The following C17orf78 variants were observed in gnomAD, a reference collection of about 807,000 sequenced individuals.
C17orf78 encodes the protein uncharacterized protein C17orf78.
C17orf78 carries 27 observed loss-of-function variants against 31.8 expected under a neutral mutation model. The ratio of observed to expected loss-of-function variants is 0.85; its 90% CI spans 0.63 to 1.17. The LOEUF is 1.17. Among genes scored for constraint, C17orf78 ranks in the 50% most tolerant of loss-of-function variants. The pLI is 0.00. For missense variants in C17orf78, 258 were observed against 315.2 expected (o/e 0.82, Z 1.37); for synonymous variants, 106 against 115.1 (o/e 0.92, Z 0.51).
rs1568075223 is a variant in C17orf78, at chr17:37,377,952, A to C, written c.132A>C (p.Glu44Asp). The C allele has an allele frequency of 6.2e-7, 1 of 1,613,802 alleles. No homozygotes were observed. Among genetic ancestry groups the C allele is most frequent in the Non-Finnish European group, 8.5e-7 (1 of 1,179,762 alleles). ...CAAAAGACGTGAGAAGCATCAGAGA[A>C]TTGCAAATGCAAGGTAGGGAATGGG... is the stretch of plus-strand genomic sequence containing the variant. ...IFPKDVRSIR[E>D]LQMQETHTET... Residue 44 changes from glutamate to aspartate, a missense_variant, in exon 2 of 7, where the codon GAA (glutamate) becomes GAC (aspartate). Transcript: ENST00000615133.
chr17:37,389,290 G>T lies in C17orf78; in HGVS notation c.678G>T (p.Leu226Phe). ...GGAAGCTGTGCCAATGCCAGTGGTT[G>T]TGGAGATGGCAAAAGAAGGGAGGCC... ...GARKLCQCQW[L>F]WRWQKKGGQP... The change falls in exon 6 of 7, where the codon TTG (leucine) becomes TTT (phenylalanine). Residue 226 changes from leucine (L) to phenylalanine (F), a missense_variant. Coordinates refer to ENST00000615133, the MANE Select transcript of C17orf78 (RefSeq NM_173625.5). The T allele has an allele frequency of 6.3e-7, 1 of 1,599,334 alleles. No homozygotes were observed. The highest frequency in any genetic ancestry group is 8.5e-7 in the Non-Finnish European group (1 of 1,173,102).
chr17:37,377,925 C>T lies in C17orf78; in HGVS notation c.105C>T (p.Phe35=), dbSNP rs563867244. ...SCRLEQLPGI[F]PKDVRSIREL... ...GACTGGAACAGCTGCCTGGGATCTT[C>T]CCAAAAGACGTGAGAAGCATCAGAG... The change falls in exon 2 of 7, where the codon TTC becomes TTT. Residue 35 remains phenylalanine (F), a synonymous_variant. Coordinates refer to ENST00000615133, the MANE Select transcript of C17orf78 (RefSeq NM_173625.5). 34 of 1,612,870 alleles carry T rather than the reference C, an allele frequency of 2.1e-5. No individual in the cohort carries two copies. The South Asian group carries it at 3.6e-4, about 17-fold the overall frequency.
chr17:37,384,062 G>A (rs921651499), intron 3 of C17orf78, among the ~76,000 whole-genome samples: 1 of 152,106 alleles, frequency 6.6e-6, no homozygotes, highest in Non-Finnish European at 1.5e-5. Flanking sequence ...TCAGGAATTC[G>A]AGACCAGCCT....
Position 37,376,090 on chromosome 17 carries a change from A to G in C17orf78, c.-3A>G. Reference sequence around the variant, plus strand: ...TCTGCAATGAGCATGTGCTCAAGCTAACATGGATACCATCTTGGTCTTCAG... The same window carrying G: ...TCTGCAATGAGCATGTGCTCAAGCTGACATGGATACCATCTTGGTCTTCAG... On this transcript the variant is annotated 5_prime_UTR_variant, in exon 1 of 7. The change abolishes the stop of an existing upstream ORF in the 5' untranslated region. Coordinates refer to ENST00000615133, the MANE Select transcript of C17orf78 (RefSeq NM_173625.5). 6.2e-7 allele frequency: 1 copy of G among 1,611,672 alleles called. No individual in the cohort carries two copies. Among genetic ancestry groups the G allele is most frequent in the Non-Finnish European group, 8.5e-7 (1 of 1,177,768 alleles).
chr17:37,376,190 G>A, intron 1 of C17orf78, 40 bp downstream of exon 1: 2 of 1,543,446 alleles, frequency 1.3e-6, no homozygotes, highest in Non-Finnish European at 1.8e-6. Context: ...AAAATACAGA[G>A]AGAGGCCTAG....
chr17:37,386,266 T>G (rs2050524594), intron 4 of C17orf78, 141 bp downstream of exon 4: 2 of 601,658 alleles, frequency 3.3e-6, no homozygotes, highest in South Asian at 5.1e-5. Flanking sequence ...GAATGTACAT[T>G]GAAAAATCAT....
chr17:37,385,936 G>A, intron 3 of C17orf78, 73 bp from the exon 4 acceptor site: 1 of 1,011,710 alleles, frequency 9.9e-7, no homozygotes, highest in Non-Finnish European at 1.5e-6. Flanking sequence ...GCTGGGCAGG[G>A]TTTCATCAGA....
intron 4 of C17orf78, among the ~76,000 whole-genome samples, chr17:37,388,439 G>A (rs2050645372): frequency 6.6e-6 from 1 of 152,098 alleles, no homozygotes. Flanking sequence ...TCCAGGGAAG[G>A]TGACTCAGTG....
intron 1 of C17orf78, among the ~76,000 whole-genome samples, chr17:37,377,360 G>C (rs1258006590): frequency 6.6e-6 from 1 of 152,046 alleles, no homozygotes; most frequent in South Asian, 2.1e-4. Context: ...GTATTTGGCT[G>C]GGTGTTCTTT....
intron 6 of C17orf78, among the ~76,000 whole-genome samples, chr17:37,390,129 T>TA (rs67386580): frequency 2.1e-5 from 1 of 47,590 alleles, no homozygotes; most frequent in African/African-American, 1.0e-4. Flanking sequence ...CTGTCTCTAT[T>TA]AAAAAAAAAA....
At chr17:37,385,975 C>T (rs1163084739) in intron 3 of C17orf78, 34 bp from the exon 4 acceptor site, 1 of 1,404,538 alleles carries the variant, frequency 7.1e-7, no homozygotes, top group South Asian at 1.3e-5. Flanking sequence ...AAAGTTTTCC[C>T]CTAAAGTTTC....
chr17:37,382,892 C>T (rs1012691272), intron 3 of C17orf78, among the ~76,000 whole-genome samples: 30 of 151,858 alleles, frequency 2.0e-4, no homozygotes, highest in African/African-American at 7.0e-4. Flanking sequence ...AAAAAATTAG[C>T]CAGGCATGGA....
intron 3 of C17orf78, among the ~76,000 whole-genome samples, chr17:37,381,133 C>T (rs1322791460): frequency 1.3e-5 from 2 of 151,880 alleles, no homozygotes; most frequent in Non-Finnish European, 2.9e-5. Context: ...CACTGTTCTG[C>T]CCCTTGCTTT....
intron 3 of C17orf78, among the ~76,000 whole-genome samples, chr17:37,385,297 C>G (rs1409792157): frequency 6.6e-6 from 1 of 152,072 alleles, no homozygotes; most frequent in Non-Finnish European, 1.5e-5. Context: ...CATGGTGAAA[C>G]CCCATCTCTA....
At chr17:37,381,816 A>G (rs943736751) in intron 3 of C17orf78, among the ~76,000 whole-genome samples, 3 of 151,452 alleles carry the variant, frequency 2.0e-5, no homozygotes, top group Non-Finnish European at 4.4e-5. Flanking sequence ...TTTGGTAGAG[A>G]TGGGGTTTCA....
chr17:37,391,930 C>T lies in C17orf78; in HGVS notation c.*206C>T. 1.7e-6 allele frequency: 1 copy of T among 579,084 alleles called. No individual in the cohort carries two copies. The highest frequency in any genetic ancestry group is 3.0e-5 in the Admixed American group (1 of 33,568). 35.9% of individuals were successfully genotyped at this position (579,084 alleles called of 1,614,324 possible). A position where few individuals can be genotyped will look rare whatever the true frequency, so the allele number is the denominator to read the frequency against. ...AGCCACAACCTTCTGTAATTCACTT[C>T]ATACATCCATCTAAATGGATACCTT... On this transcript the variant is annotated 3_prime_UTR_variant, in exon 7 of 7. Transcript: ENST00000615133.
chr17:37,383,730 G>C (rs1408866516), intron 3 of C17orf78, among the ~76,000 whole-genome samples: 1 of 152,116 alleles, frequency 6.6e-6, no homozygotes, highest in African/African-American at 2.4e-5. Flanking sequence ...TTTTAGTAGA[G>C]ATAGGGTTTT....
chr17:37,391,841 A>G lies in C17orf78; in HGVS notation c.*117A>G. On this transcript the variant is annotated 3_prime_UTR_variant, in exon 7 of 7. Transcript: ENST00000615133. ...TTCAGCAGGGACATTACAATCAAACACCAATTCCTGGTTAATGAAGGGAGA... is the reference window on the plus strand; with the variant it reads ...TTCAGCAGGGACATTACAATCAAACGCCAATTCCTGGTTAATGAAGGGAGA... The G allele has an allele frequency of 1.1e-6, 1 of 936,366 alleles. No individual in the cohort carries two copies. The highest frequency in any genetic ancestry group is 2.1e-4 in the Middle Eastern group (1 of 4,690). The allele number at this position is 936,366 out of a possible 1,614,324, so 58.0% of individuals were successfully genotyped here.
chr17:37,378,063 A>C, intron 2 of C17orf78, 98 bp downstream of exon 2: 1 of 1,127,372 alleles, frequency 8.9e-7, no homozygotes, highest in Non-Finnish European at 1.3e-6. Context: ...CCCATATCTC[A>C]AATATCCTAT....
Sources: gnomAD v4.1 joint callset for allele counts (sites outside exome capture counted in the v4.1 genomes callset) on GRCh38, gnomAD v4.1.1 for gene constraint, MANE v1.5 for transcripts, NCBI Gene and HGNC (gene_info 2026-07-23, HGNC 2026-07-21) for gene names.